Variants in TTN observed in about 807,000 individuals in gnomAD.
The protein encoded by TTN is connectin.
In TTN, 1,525 loss-of-function variants were observed where a neutral mutation model predicts 3,223.0. That is an observed-to-expected ratio of 0.47 (90% CI 0.45 to 0.49). The LOEUF (loss-of-function observed/expected upper bound fraction) is 0.49. Ranked by LOEUF, TTN falls within the 20% of genes least tolerant of loss-of-function variation. The probability of loss-of-function intolerance (pLI) is 0.00; values close to 1 mark genes in which losing one functional copy is unlikely to be tolerated. For missense variants in TTN, 40,786 were observed against 43,424.0 expected (o/e 0.94, Z 5.40); for synonymous variants, 14,094 against 15,161.0 (o/e 0.93, Z 5.17).
In TTN at chr2:178,586,820, C is replaced by T; in HGVS notation, c.64094-13G>A. On this transcript the variant is annotated splice_polypyrimidine_tract_variant and intron_variant, in intron 307 of 362. Transcript: ENST00000589042. ...GGATCCGGCTCACCTAGAAGAAAAACATAATTTAGAAGATTACCTAGGTAA... is the reference window on the plus strand; with the variant it reads ...GGATCCGGCTCACCTAGAAGAAAAATATAATTTAGAAGATTACCTAGGTAA... The T allele has an allele frequency of 1.2e-6, 2 of 1,604,632 alleles. No homozygotes were observed. The highest frequency in any genetic ancestry group is 1.7e-6 in the Non-Finnish European group (2 of 1,177,520).
At chr2:178,640,204 A>G in intron 221 of TTN, 94 bp from the exon 222 acceptor site, 1 of 1,139,624 alleles carries the variant, frequency 8.8e-7, no homozygotes, top group Non-Finnish European at 1.3e-6. Flanking sequence ...ATCTTGGAAG[A>G]TATTAGAATT....
rs1203714029 is a variant in TTN at position 178,712,951 on chromosome 2, G to A, written c.27074C>T (p.Pro9025Leu). Residue 9025 changes from proline (P) to leucine (L), a missense_variant, in exon 94 of 363, where the codon CCT becomes CTT. Pro to Leu is a moderately conservative substitution (Grantham distance 98). Transcript: ENST00000589042. Reference protein sequence around the residue: ...VREPPSFVQKPDPMDVLTGTN... With the variant: ...VREPPSFVQKLDPMDVLTGTN... Reference sequence around the variant, plus strand: ...CCCAGTTAAAACATCCATGGGATCAGGTTTCTGAACAAAAGATGGTGGTTC... The same window carrying A: ...CCCAGTTAAAACATCCATGGGATCAAGTTTCTGAACAAAAGATGGTGGTTC... 3.1e-6 allele frequency: 5 copies of A among 1,612,628 alleles called. No homozygotes were observed. Among genetic ancestry groups the A allele is most frequent in the Non-Finnish European group, 4.2e-6 (5 of 1,179,242 alleles).
rs2092831723 is a variant in TTN at position 178,782,119 on chromosome 2, G to A, written c.3380+93C>T. On this transcript the variant is annotated intron_variant, in intron 20 of 362. Coordinates refer to ENST00000589042, the MANE Select transcript of TTN (RefSeq NM_001267550.2). Reference sequence around the variant, plus strand: ...AAGGCTCCACAATGAAAGAGCCTATGCTCAGGGTCGGTGGGGTGAGTAAAT... The same window carrying A: ...AAGGCTCCACAATGAAAGAGCCTATACTCAGGGTCGGTGGGGTGAGTAAAT... 2.1e-6 allele frequency: 3 copies of A among 1,443,830 alleles called. No homozygotes were observed. In the East Asian group the frequency reaches 6.9e-5, roughly 33 times the overall value. 89.4% of individuals were successfully genotyped at this position (1,443,830 alleles called of 1,614,324 possible). A position where few individuals can be genotyped will look rare whatever the true frequency, so the allele number is the denominator to read the frequency against.
At position 178,567,176 on chromosome 2, in the gene TTN, A is replaced by T; in HGVS notation, c.78956T>A (p.Ile26319Asn). 1 of 1,613,370 alleles carries T rather than the reference A, an allele frequency of 6.2e-7. No individual in the cohort carries two copies. The highest frequency in any genetic ancestry group is 8.5e-7 in the Non-Finnish European group (1 of 1,179,498). The change falls in exon 326 of 363, where the codon ATT becomes AAT. Residue 26319 changes from isoleucine to asparagine, a missense_variant. Physicochemically the swap from Ile to Asn is moderately radical, Grantham distance 149. Coordinates refer to ENST00000589042, the MANE Select transcript of TTN (RefSeq NM_001267550.2). ...SPPLQDGGSDISHYVVEKRET... is the reference protein window; with the variant it reads ...SPPLQDGGSDNSHYVVEKRET... ...TCGCTTTTCAACAACATAGTGAGAA[A>T]TGTCACTGCCACCATCTTGAAGTGG...
chr2:178,671,061 T>A (rs1468014298), intron 156 of TTN, 29 bp downstream of exon 156: 2 of 1,559,392 alleles, frequency 1.3e-6, no homozygotes, highest in South Asian at 1.2e-5. Flanking sequence ...TATGTAAAGT[T>A]AAGTAGTAAT....
chr2:178,687,664 A>G (rs2071257953), intron 127 of TTN, among the ~76,000 whole-genome samples: 1 of 152,234 alleles, frequency 6.6e-6, no homozygotes, highest in Non-Finnish European at 1.5e-5. Flanking sequence ...AATGCCTAGA[A>G]TAAAAAAATT....
In TTN at chr2:178,644,773, G is replaced by A. The variant is rs34659500; in HGVS notation, c.40409-157C>T. 16,135 of 534,590 alleles carry A rather than the reference G, an allele frequency of 0.03. 957 individuals carry two copies. The highest frequency in any genetic ancestry group is 0.18 in the African/African-American group (9,017 of 49,498). 33.1% of individuals were successfully genotyped at this position (534,590 alleles called of 1,614,324 possible). On this transcript the variant is annotated intron_variant, in intron 217 of 362. Transcript: ENST00000589042. ...TTCAAAGAACATACAAGCAGCATTC[G>A]AACCATGAAAACAGACTGCAGTTTT...
chr2:178,617,145 A>T lies in TTN; in HGVS notation c.47850T>A (p.Gly15950=), dbSNP rs1227150458. 6.2e-7 allele frequency: 1 copy of T among 1,608,600 alleles called. No individual in the cohort carries two copies. The highest frequency in any genetic ancestry group is 1.1e-5 in the South Asian group (1 of 90,274). ...AGVSDPSEIL[G]PLTADDAFVE... ...CAAATGCATCGTCAGCGGTGAGAGG[A>T]CCAAGAATTTCAGATGGATCTGAAA... The change falls in exon 255 of 363, where the codon GGT becomes GGA. Residue 15950 remains glycine, a synonymous_variant. Transcript: ENST00000589042.
Position 178,559,873 on chromosome 2 carries a change from T to C in TTN, c.86259A>G (p.Leu28753=), listed in dbSNP as rs886055233. 12 of 1,612,594 alleles carry C rather than the reference T, an allele frequency of 7.4e-6. No individual in the cohort carries two copies. The highest frequency in any genetic ancestry group is 9.3e-6 in the Non-Finnish European group (11 of 1,179,764). The change falls in exon 326 of 363, where the codon TTA becomes TTG. Residue 28753 remains leucine, a synonymous_variant. Transcript: ENST00000589042. ...TCCTCATTTCACTGTCAATATCAAA[T>C]AAAGGTTCTTCTTCTCTTTCCTTTG... is the stretch of plus-strand genomic sequence containing the variant. ...QIAKEREEEP[L]FDIDSEMRKT... is the part of the protein sequence containing the mutation.
intron 210 of TTN, 83 bp from the exon 211 acceptor site, chr2:178,649,977 A>C: frequency 6.7e-7 from 1 of 1,489,070 alleles, no homozygotes; most frequent in Non-Finnish European, 9.2e-7. Flanking sequence ...AACCACACAT[A>C]TTTCTTGGTA....
Position 178,589,436 on chromosome 2 carries a change from T to C in TTN, c.62289A>G (p.Lys20763=). 1 of 1,613,418 alleles carries C rather than the reference T, an allele frequency of 6.2e-7. No individual in the cohort carries two copies. Among genetic ancestry groups the C allele is most frequent in the Non-Finnish European group, 8.5e-7 (1 of 1,179,626 alleles). The change falls in exon 304 of 363, where the codon AAA becomes AAG. Residue 20763 remains lysine (K), a synonymous_variant. Coordinates refer to ENST00000589042, the MANE Select transcript of TTN (RefSeq NM_001267550.2). The part of the protein sequence containing the change: ...DWVKTEEVVV[K]EDLQKPVLDL... ...CAAGTACTGGTTTTTGTAAGTCTTC[T>C]TTCACAACAACTTCCTCTGTCTTCA... is the stretch of plus-strand genomic sequence containing the variant.
rs767887086 is a variant in TTN at position 178,588,829 on chromosome 2, G to A, written c.62896C>T (p.Arg20966Cys). 9.9e-6 allele frequency: 16 copies of A among 1,613,188 alleles called. No individual in the cohort carries two copies. Among genetic ancestry groups the A allele is most frequent in the Non-Finnish European group, 1.2e-5 (14 of 1,179,588 alleles). ...TTAGTGACTTCTGGGGGATCAGGGC[G>A]ACCAGGTTTATCATACTTGGTTTTG... ...IAKTKYDKPG[R>C]PDPPEVTKVS... Residue 20966 changes from arginine to cysteine, a missense_variant, in exon 304 of 363, where the codon CGC (arginine) becomes TGC (cysteine). By Grantham distance (180) the Arg-to-Cys change is radical. Transcript: ENST00000589042.
At position 178,672,721 on chromosome 2, in the gene TTN, G is replaced by A; in HGVS notation, c.34787-18C>T. 1 of 1,575,144 alleles carries A rather than the reference G, an allele frequency of 6.3e-7. No individual in the cohort carries two copies. On this transcript the variant is annotated intron_variant, in intron 152 of 362. Coordinates refer to ENST00000589042, the MANE Select transcript of TTN (RefSeq NM_001267550.2). ...CTTTGACACTTTAAAGATATTAGGTGTTTTAGTTAGCTGAGAATGTTCAAT... is the reference window on the plus strand; with the variant it reads ...CTTTGACACTTTAAAGATATTAGGTATTTTAGTTAGCTGAGAATGTTCAAT...
rs1700550644 is a variant in TTN at position 178,554,456 on chromosome 2, A to G, written c.88891T>C (p.Phe29631Leu). 1 of 1,612,780 alleles carries G rather than the reference A, an allele frequency of 6.2e-7. No homozygotes were observed. Among genetic ancestry groups the G allele is most frequent in the African/African-American group, 1.3e-5 (1 of 74,904 alleles). The change falls in exon 332 of 363, where the codon TTT (phenylalanine) becomes CTT (leucine). Residue 29631 changes from phenylalanine (F) to leucine (L), a missense_variant. Phe to Leu is a conservative substitution (Grantham distance 22). Transcript: ENST00000589042. The stretch of plus-strand genomic sequence containing the variant: ...TTCTAATGAAATCATGTCTCACCAA[A>G]TGCGTTCTTGGCTACAACGGAATCA... ...ESDSVVAKNA[F>L]VTPGPPGIPE...
chr2:178,706,574 C>A lies in TTN; in HGVS notation c.29300G>T (p.Gly9767Val), dbSNP rs2075906507. 6.2e-7 allele frequency: 1 copy of A among 1,613,698 alleles called. No individual in the cohort carries two copies. The highest frequency in any genetic ancestry group is 1.3e-5 in the African/African-American group (1 of 74,870). Reference sequence around the variant, plus strand: ...GTTAAATGCCACGCATCGGTATAACCCAGAATCAGTTTTTGTGGTGTCCCT... The same window carrying A: ...GTTAAATGCCACGCATCGGTATAACACAGAATCAGTTTTTGTGGTGTCCCT... ...EIRDTTKTDS[G>V]LYRCVAFNEH... Residue 9767 changes from glycine (G) to valine (V), a missense_variant, in exon 102 of 363, where the codon GGG (glycine) becomes GTG (valine). Physicochemically the swap from Gly to Val is moderately radical, Grantham distance 109. Transcript: ENST00000589042.
Position 178,583,591 on chromosome 2 carries a change from C to A in TTN, c.65575+16G>T. On this transcript the variant is annotated intron_variant, in intron 312 of 362. Coordinates refer to ENST00000589042, the MANE Select transcript of TTN (RefSeq NM_001267550.2). ...TGCTGTTACATCTTTGCCTATAATA[C>A]TCAGCAGAATCTTACCATTTTCTGC... is the stretch of plus-strand genomic sequence containing the variant. The A allele has an allele frequency of 6.4e-7, 1 of 1,570,388 alleles. No individual in the cohort carries two copies.
chr2:178,759,454 A>G (rs141925615), intron 43 of TTN, among the ~76,000 whole-genome samples: 1 of 152,352 alleles, frequency 6.6e-6, no homozygotes, highest in Non-Finnish European at 1.5e-5. Context: ...AGACATTTGC[A>G]TGTCATGCAG....
rs1307866503 is a variant in TTN at position 178,533,647 on chromosome 2, A to C, written c.102968T>G (p.Val34323Gly). The C allele has an allele frequency of 6.2e-7, 1 of 1,613,948 alleles. No homozygotes were observed. Among genetic ancestry groups the C allele is most frequent in the Non-Finnish European group, 8.5e-7 (1 of 1,179,862 alleles). Residue 34323 changes from valine to glycine, a missense_variant, in exon 358 of 363, where the codon GTC (valine) becomes GGC (glycine). Val to Gly is a moderately radical substitution (Grantham distance 109). Transcript: ENST00000589042. Reference sequence around the variant, plus strand: ...ATATTCAGCGTCATCATCTGTAGTGACACTGTTGATTGTTAATTGGTAAAG... The same window carrying C: ...ATATTCAGCGTCATCATCTGTAGTGCCACTGTTGATTGTTAATTGGTAAAG... ...KGLYQLTINSVTTDDDAEYTV... is the reference protein window; with the variant it reads ...KGLYQLTINSGTTDDDAEYTV...
In TTN at chr2:178,639,966, CCTA is replaced by C. The variant is rs1464169581; in HGVS notation, c.40786+79_40786+81del. On this transcript the variant is annotated intron_variant, in intron 222 of 362. Transcript: ENST00000589042. ...ATCATTTGATACATACTGACTTTCACCTACTATCTTTTATTAAGTACATGTTAT... is the reference window on the plus strand; with the variant it reads ...ATCATTTGATACATACTGACTTTCACCTATCTTTTATTAAGTACATGTTAT... 1.3e-5 allele frequency: 20 copies of C among 1,534,860 alleles called. No homozygotes were observed. The East Asian group carries it at 4.5e-4, about 35-fold the overall frequency.
Sources: allele counts gnomAD v4.1 joint callset (sites outside exome capture counted in the v4.1 genomes callset), GRCh38; gene constraint gnomAD v4.1.1; transcripts MANE v1.5; gene names NCBI Gene and HGNC (gene_info 2026-07-23, HGNC 2026-07-21).